Variants in RGPD2 observed in about 807,000 individuals in gnomAD.
The protein encoded by RGPD2 is RANBP2 like and GRIP domain containing 2, also known as RANBP2-like and GRIP domain-containing protein 2.
A neutral mutation model predicts 36.0 loss-of-function variants in RGPD2; 2 were observed. The observed-to-expected ratio is 0.06, with a 90% CI of 0.02 to 0.17. The LOEUF (loss-of-function observed/expected upper bound fraction) is 0.17. RGPD2 is among the 10% of genes least tolerant of loss of function. RGPD2 has a pLI of 1.00. For missense variants in RGPD2, 40 were observed against 464.3 expected, an observed-to-expected ratio of 0.09 and a Z score of 8.40; for synonymous variants, 19 against 163.8, an observed-to-expected ratio of 0.12 and a Z score of 6.75.
At chr2:87,913,309 C>A in the RGPD2 span, among the ~76,000 whole-genome samples, 611 of 151,416 alleles carry the variant, frequency 4.0e-3, 9 homozygotes, top group Middle Eastern at 0.02. Context: ...AACCAAACAC[C>A]GCATGTTCTC....
At chr2:87,888,250 T>A in the RGPD2 span, among the ~76,000 whole-genome samples, 1 of 151,838 alleles carries the variant, frequency 6.6e-6, no homozygotes, top group Non-Finnish European at 1.5e-5. Context: ...CATACATAGG[T>A]AAGGCTCTTC....
chr2:87,866,884 C>T, the RGPD2 span, among the ~76,000 whole-genome samples: 3 of 152,240 alleles, frequency 2.0e-5, no homozygotes, highest in South Asian at 2.1e-4. Context: ...CCTCCCCGGG[C>T]GAGAGGTCCG....
the RGPD2 span, among the ~76,000 whole-genome samples, chr2:87,883,610 T>C: frequency 6.6e-6 from 1 of 151,776 alleles, no homozygotes; most frequent in Non-Finnish European, 1.5e-5. Context: ...TAAAAGTGAA[T>C]TGATGGAGAA....
At chr2:87,771,891 GAACTC>G (rs1446277332) in intron 22 of RGPD2, among the ~76,000 whole-genome samples, 4 of 151,896 alleles carry the variant, frequency 2.6e-5, no homozygotes, top group Non-Finnish European at 4.4e-5. Context: ...CTGAACACCA[GAACTC>G]AACACCAGGA....
At chr2:87,986,176 C>T in the RGPD2 span, among the ~76,000 whole-genome samples, 15 of 132,154 alleles carry the variant, frequency 1.1e-4, no homozygotes, top group African/African-American at 3.9e-4. Context: ...CGCTCTGTTG[C>T]CCAGGCTGGA....
At chr2:87,972,686 G>A in the RGPD2 span, 33 of 1,563,748 alleles carry the variant, frequency 2.1e-5, no homozygotes, top group South Asian at 2.3e-4. Flanking sequence ...GAACGGCAGC[G>A]AGGAGGCCTG....
the RGPD2 span, among the ~76,000 whole-genome samples, chr2:87,974,650 C>T: frequency 2.6e-4 from 39 of 152,268 alleles, no homozygotes; most frequent in Admixed American, 1.4e-3. Context: ...TAAGAAATAC[C>T]TCATGAATGG....
At chr2:87,841,294 C>T in the RGPD2 span, among the ~76,000 whole-genome samples, 5 of 151,988 alleles carry the variant, frequency 3.3e-5, no homozygotes, top group Non-Finnish European at 7.4e-5. Flanking sequence ...TGAGTGAAAG[C>T]TCCCTTGAGG....
At chr2:87,845,673 A>G in the RGPD2 span, among the ~76,000 whole-genome samples, 1 of 151,544 alleles carries the variant, frequency 6.6e-6, no homozygotes, top group Non-Finnish European at 1.5e-5. Flanking sequence ...TTATTTTTAT[A>G]AGTGACAGAA....
chr2:87,928,010 G>GT, the RGPD2 span, among the ~76,000 whole-genome samples: 6 of 92,102 alleles, frequency 6.5e-5, no homozygotes, highest in East Asian at 8.8e-4. Flanking sequence ...TTTTAGAAAT[G>GT]TTAATCCATT....
At chr2:87,781,464 G>GTTT (rs879124297) in intron 20 of RGPD2, among the ~76,000 whole-genome samples, 20 of 112,554 alleles carry the variant, frequency 1.8e-4, no homozygotes, top group African/African-American at 6.5e-4. Context: ...TTGTTTTTTT[G>GTTT]TTTTTTTTTT....
At chr2:87,929,612 G>T in the RGPD2 span, among the ~76,000 whole-genome samples, 1 of 151,284 alleles carries the variant, frequency 6.6e-6, no homozygotes, top group East Asian at 1.9e-4. Flanking sequence ...GAATATGAAT[G>T]GCTGTTTAAC....
the RGPD2 span, among the ~76,000 whole-genome samples, chr2:87,967,581 G>A: frequency 1.3e-5 from 2 of 149,100 alleles, no homozygotes; most frequent in Non-Finnish European, 2.9e-5. Context: ...ACATCATGAA[G>A]AAAACCACAC....
At chr2:87,870,303 A>G in the RGPD2 span, among the ~76,000 whole-genome samples, 1 of 152,296 alleles carries the variant, frequency 6.6e-6, no homozygotes, top group Non-Finnish European at 1.5e-5. Context: ...TCTTTGGTCT[A>G]TAGACCAAAG....
chr2:87,935,447 G>A, the RGPD2 span, among the ~76,000 whole-genome samples: 3 of 147,054 alleles, frequency 2.0e-5, no homozygotes, highest in Admixed American at 1.4e-4. Context: ...CTTCATTGCT[G>A]CAGTGGTATA....
chr2:87,977,532 G>A, the RGPD2 span, among the ~76,000 whole-genome samples: 6 of 150,996 alleles, frequency 4.0e-5, no homozygotes, highest in Non-Finnish European at 5.9e-5. Flanking sequence ...ACATGTACAA[G>A]GCCAGGCGTG....
the RGPD2 span, among the ~76,000 whole-genome samples, chr2:87,958,522 A>G: frequency 6.6e-6 from 1 of 152,300 alleles, no homozygotes; most frequent in African/African-American, 2.4e-5. Flanking sequence ...ATCTCCTATT[A>G]AAATGTTATG....
the RGPD2 span, among the ~76,000 whole-genome samples, chr2:87,988,524 A>C: frequency 2.3e-5 from 1 of 42,864 alleles, no homozygotes; most frequent in African/African-American, 4.6e-5. Context: ...TATACATATA[A>C]ATATATATAT....
chr2:87,853,568 CT>C, the RGPD2 span, among the ~76,000 whole-genome samples: 1 of 151,180 alleles, frequency 6.6e-6, no homozygotes, highest in African/African-American at 2.4e-5. Flanking sequence ...ATATTTTATT[CT>C]TTCTAATGAC....
Sources: allele counts gnomAD v4.1 joint callset (sites outside exome capture counted in the v4.1 genomes callset), GRCh38; gene constraint gnomAD v4.1.1; transcripts MANE v1.5; gene names NCBI Gene and HGNC (gene_info 2026-07-23, HGNC 2026-07-21).